Variants in MYO18B observed in about 807,000 individuals in gnomAD.
MYO18B encodes the protein unconventional myosin-XVIIIb.
Under a neutral mutation model 273.0 loss-of-function variants are expected in MYO18B, and 204 were observed. That is an observed-to-expected ratio of 0.75 (90% CI 0.67 to 0.84). MYO18B has a LOEUF of 0.84. Ranked by LOEUF, MYO18B falls within the 40% of genes least tolerant of loss-of-function variation. The pLI is 0.00. For missense variants in MYO18B, 3,212 were observed against 3,287.6 expected, an observed-to-expected ratio of 0.98 and a Z score of 0.56; for synonymous variants, 1,330 against 1,305.7, an observed-to-expected ratio of 1.02 and a Z score of -0.40.
At chr22:25,836,962 C>CAAA (rs1167721882) in intron 17 of MYO18B, among the ~76,000 whole-genome samples, 7 of 116,726 alleles carry the variant, frequency 6.0e-5, no homozygotes, top group African/African-American at 2.2e-4. Flanking sequence ...AATTCCATCT[C>CAAA]AAAATAATAA....
chr22:25,950,517 G>GATGTGTGTGTATGTGTGT (rs1403556981), intron 37 of MYO18B, 67 bp downstream of exon 37: 35 of 245,062 alleles, frequency 1.4e-4, no homozygotes, highest in Non-Finnish European at 2.7e-4. Flanking sequence ...GAACTAATAG[G>GATGTGTGTGTATGTGTGT]ATGTGTGTGT....
chr22:25,872,095 T>G (rs1407521911), intron 22 of MYO18B, among the ~76,000 whole-genome samples: 2 of 152,098 alleles, frequency 1.3e-5, no homozygotes, highest in African/African-American at 2.4e-5. Flanking sequence ...AGACTAATGG[T>G]CTTGGTGGCC....
intron 39 of MYO18B, among the ~76,000 whole-genome samples, chr22:25,970,447 T>C (rs756406349): frequency 2.2e-4 from 33 of 152,180 alleles, no homozygotes; most frequent in Non-Finnish European, 4.0e-4. Flanking sequence ...CTCAGTGTCC[T>C]GAGTGTCAGC....
intron 42 of MYO18B, among the ~76,000 whole-genome samples, chr22:26,011,611 A>G (rs1934930090): frequency 6.6e-6 from 1 of 152,232 alleles, no homozygotes; most frequent in Non-Finnish European, 1.5e-5. Context: ...GTCCCCATTC[A>G]GTAACCTTGG....
chr22:25,866,420 C>T (rs2090887343), intron 21 of MYO18B, among the ~76,000 whole-genome samples: 1 of 152,162 alleles, frequency 6.6e-6, no homozygotes, highest in Non-Finnish European at 1.5e-5. Context: ...CATGCTGTAT[C>T]CAGAAATCTC....
intron 34 of MYO18B, among the ~76,000 whole-genome samples, chr22:25,921,670 A>G (rs1393905395): frequency 6.6e-6 from 1 of 151,490 alleles, no homozygotes; most frequent in African/African-American, 2.4e-5. Context: ...GCAGATCAGC[A>G]CTGGCCAGAA....
At chr22:25,752,547 G>C (rs186789513) in intron 1 of MYO18B, among the ~76,000 whole-genome samples, 15 of 152,308 alleles carry the variant, frequency 9.8e-5, no homozygotes, top group Non-Finnish European at 1.9e-4. Flanking sequence ...GAGCAGTGGC[G>C]TGATCACAGC....
chr22:25,825,150 G>A (rs1187767108), intron 13 of MYO18B, among the ~76,000 whole-genome samples: 1 of 152,166 alleles, frequency 6.6e-6, no homozygotes, highest in Non-Finnish European at 1.5e-5. Flanking sequence ...CACAGGCACA[G>A]ACAGATGCAG....
intron 39 of MYO18B, among the ~76,000 whole-genome samples, chr22:25,985,357 T>C (rs915583655): frequency 6.6e-6 from 1 of 150,976 alleles, no homozygotes; most frequent in Non-Finnish European, 1.5e-5. Context: ...CAAGATTCAC[T>C]CTCAAAGAAC....
chr22:25,923,506 G>A (rs528785407), intron 34 of MYO18B, among the ~76,000 whole-genome samples: 5 of 152,364 alleles, frequency 3.3e-5, no homozygotes, highest in Non-Finnish European at 5.9e-5. Flanking sequence ...TCCAGAGGTG[G>A]CAAGTGGTGT....
At chr22:26,061,006 T>TATACACACATACCACATATGCACACAC in the MYO18B span, among the ~76,000 whole-genome samples, 1 of 118,142 alleles carries the variant, frequency 8.5e-6, no homozygotes, top group African/African-American at 4.4e-5. Context: ...TGCACACACA[T>TATACACACATACCACATATGCACACAC]ACACACACAC....
At chr22:25,777,441 T>G in intron 7 of MYO18B, 142 bp from the exon 8 acceptor site, 1 of 771,122 alleles carries the variant, frequency 1.3e-6, no homozygotes, top group Non-Finnish European at 1.9e-6. Flanking sequence ...CCTAGTCGAG[T>G]AGGAAGGGAG....
chr22:25,934,901 G>A (rs942756843), intron 34 of MYO18B, among the ~76,000 whole-genome samples: 3 of 151,040 alleles, frequency 2.0e-5, no homozygotes, highest in Non-Finnish European at 2.9e-5. Flanking sequence ...TTCACTACTC[G>A]TGGTTCCGTC....
chr22:25,957,737 G>T (rs186926233), intron 39 of MYO18B, among the ~76,000 whole-genome samples: 15 of 152,132 alleles, frequency 9.9e-5, no homozygotes, highest in African/African-American at 3.4e-4. Flanking sequence ...CTTGGTTTGC[G>T]GCTGCCTCAG....
chr22:25,971,866 A>G (rs1422208550), intron 39 of MYO18B, among the ~76,000 whole-genome samples: 1 of 152,064 alleles, frequency 6.6e-6, no homozygotes, highest in African/African-American at 2.4e-5. Flanking sequence ...AACTGGTATG[A>G]TTTTCAAACA....
chr22:25,843,412 G>C (rs2090142003), intron 17 of MYO18B, among the ~76,000 whole-genome samples: 1 of 152,106 alleles, frequency 6.6e-6, no homozygotes, highest in Non-Finnish European at 1.5e-5. Flanking sequence ...GAAAATGTAA[G>C]TCGATTTAAA....
At chr22:25,899,712 T>C (rs945195032) in intron 29 of MYO18B, 5 of 152,062 alleles carry the variant, frequency 3.3e-5, no homozygotes, top group Non-Finnish European at 5.9e-5. Flanking sequence ...TGGCTGAACC[T>C]TACCCCTGCA....
intron 21 of MYO18B, 148 bp from the exon 22 acceptor site, chr22:25,868,172 T>C: frequency 1.5e-6 from 1 of 653,810 alleles, no homozygotes; most frequent in Non-Finnish European, 2.7e-6. Context: ...CACCTTCCTG[T>C]GTGAGGTGGG....
intron 32 of MYO18B, among the ~76,000 whole-genome samples, chr22:25,909,773 G>C (rs919432651): frequency 6.6e-6 from 1 of 152,152 alleles, no homozygotes; most frequent in Non-Finnish European, 1.5e-5. Context: ...TGACTGCTCT[G>C]TTCAGTCTAT....
Sources: gnomAD v4.1 joint callset for allele counts (sites outside exome capture counted in the v4.1 genomes callset) on GRCh38, gnomAD v4.1.1 for gene constraint, MANE v1.5 for transcripts, NCBI Gene and HGNC (gene_info 2026-07-23, HGNC 2026-07-21) for gene names.